PCDH15: variants seen among roughly 807,000 people sequenced by gnomAD.
The protein encoded by PCDH15 is protocadherin-15.
In PCDH15, 129 loss-of-function variants were observed where a neutral mutation model predicts 178.5. The observed-to-expected ratio is 0.72, with a 90% CI of 0.63 to 0.84. The LOEUF (loss-of-function observed/expected upper bound fraction) is 0.84, where lower values mean the gene tolerates loss of function less well. PCDH15 is among the 40% of genes least tolerant of loss of function. The probability of loss-of-function intolerance (pLI) is 0.00; values close to 1 mark genes in which losing one functional copy is unlikely to be tolerated. For missense variants in PCDH15, 2,230 were observed against 2,099.9 expected (o/e 1.06, Z -1.21); for synonymous variants, 800 against 732.0 (o/e 1.09, Z -1.50).
chr10:55,575,372 C>A (rs983275362), intron 2 of PCDH15, among the ~76,000 whole-genome samples: 5 of 152,040 alleles, frequency 3.3e-5, no homozygotes, highest in African/African-American at 1.2e-4. Flanking sequence ...CCAGAAAATA[C>A]CCAACACATA....
intron 2 of PCDH15, among the ~76,000 whole-genome samples, chr10:54,536,653 C>T (rs1244445285): frequency 6.6e-6 from 1 of 152,146 alleles, no homozygotes; most frequent in Non-Finnish European, 1.5e-5. Flanking sequence ...TCCACCCTCT[C>T]CCCTTTTCTA....
intron 8 of PCDH15, among the ~76,000 whole-genome samples, chr10:54,302,163 A>G (rs1475061575): frequency 6.6e-6 from 1 of 152,150 alleles, no homozygotes; most frequent in Non-Finnish European, 1.5e-5. Context: ...TTTCAAGATG[A>G]TATTTACTAG....
chr10:54,260,966 A>T (rs2057276130), intron 8 of PCDH15, among the ~76,000 whole-genome samples: 1 of 152,148 alleles, frequency 6.6e-6, no homozygotes, highest in Non-Finnish European at 1.5e-5. Flanking sequence ...TTTTGGTCTC[A>T]TTCTTTACAG....
intron 3 of PCDH15, among the ~76,000 whole-genome samples, chr10:54,821,897 G>A (rs1228709095): frequency 2.6e-5 from 4 of 152,000 alleles, no homozygotes; most frequent in Non-Finnish European, 4.4e-5. Flanking sequence ...AACACGCTTT[G>A]AATTTTTAGT....
At chr10:54,028,906 T>C (rs2093207506) in intron 18 of PCDH15, among the ~76,000 whole-genome samples, 1 of 150,166 alleles carries the variant, frequency 6.7e-6, no homozygotes, top group Non-Finnish European at 1.5e-5. Flanking sequence ...ACCTGCACAA[T>C]GTGCACATGT....
chr10:54,152,653 C>T (rs1365978830), intron 14 of PCDH15, among the ~76,000 whole-genome samples: 1 of 151,222 alleles, frequency 6.6e-6, no homozygotes, highest in African/African-American at 2.4e-5. Flanking sequence ...TAGAAAGATG[C>T]AATTGTAATA....
intron 2 of PCDH15, among the ~76,000 whole-genome samples, chr10:55,088,036 C>T (rs79110753): frequency 0.041 from 6,189 of 152,030 alleles, 299 homozygotes; most frequent in East Asian, 0.14. Flanking sequence ...ACAATGTACA[C>T]GATTAAATGC....
chr10:55,087,050 C>T (rs973944588), intron 2 of PCDH15, among the ~76,000 whole-genome samples: 29 of 152,050 alleles, frequency 1.9e-4, no homozygotes, highest in Admixed American at 1.9e-3. Context: ...AAGAAAGCTA[C>T]TCTCTCAAGT....
chr10:54,362,510 G>A (rs1589039350), intron 5 of PCDH15, among the ~76,000 whole-genome samples: 2 of 152,018 alleles, frequency 1.3e-5, no homozygotes, highest in Non-Finnish European at 2.9e-5. Flanking sequence ...ATTGTGAATG[G>A]CATTTTAAAT....
At chr10:53,852,155 A>G (rs1432704777) in intron 28 of PCDH15, among the ~76,000 whole-genome samples, 2 of 152,106 alleles carry the variant, frequency 1.3e-5, no homozygotes, top group African/African-American at 2.4e-5. Flanking sequence ...CTGGGAGTAG[A>G]AAGAAGTTAT....
intron 20 of PCDH15, among the ~76,000 whole-genome samples, chr10:54,019,699 T>C (rs565649070): frequency 8.5e-5 from 13 of 152,212 alleles, no homozygotes; most frequent in African/African-American, 2.2e-4. Flanking sequence ...CCCAAGGTCA[T>C]AGAGCTTAAA....
At chr10:54,530,776 GGATA>G (rs1453356763) in intron 2 of PCDH15, among the ~76,000 whole-genome samples, 1 of 151,866 alleles carries the variant, frequency 6.6e-6, no homozygotes, top group Non-Finnish European at 1.5e-5. Context: ...ATATACTTCT[GGATA>G]AATACAAAAA....
intron 8 of PCDH15, among the ~76,000 whole-genome samples, chr10:54,266,409 G>A (rs891953348): frequency 1.3e-5 from 2 of 151,048 alleles, no homozygotes; most frequent in Non-Finnish European, 3.0e-5. Context: ...AATAAAACAA[G>A]AAAAAAACTA....
chr10:54,478,815 A>G (rs1293011566), intron 3 of PCDH15, among the ~76,000 whole-genome samples: 1 of 152,084 alleles, frequency 6.6e-6, no homozygotes, highest in East Asian at 1.9e-4. Flanking sequence ...CGGTAAAAAA[A>G]ATCTGTGCAA....
At chr10:54,369,929 G>A (rs11004259) in intron 4 of PCDH15, among the ~76,000 whole-genome samples, 5 of 151,958 alleles carry the variant, frequency 3.3e-5, no homozygotes, top group East Asian at 3.9e-4. Flanking sequence ...TATGTTATGT[G>A]ACAGCAATAT....
intron 6 of PCDH15, among the ~76,000 whole-genome samples, chr10:54,339,622 C>A (rs147932537): frequency 2.0e-5 from 3 of 152,264 alleles, no homozygotes; most frequent in African/African-American, 7.2e-5. Context: ...GACAAAGATT[C>A]TTTGCCTGGC....
chr10:54,333,530 T>TG (rs1392661048), intron 6 of PCDH15, among the ~76,000 whole-genome samples: 1 of 149,196 alleles, frequency 6.7e-6, no homozygotes, highest in Non-Finnish European at 1.5e-5. Context: ...AGTCTTGCTT[T>TG]AATGATATTT....
intron 1 of PCDH15, among the ~76,000 whole-genome samples, chr10:55,221,498 G>C (rs1840873429): frequency 6.6e-6 from 1 of 151,990 alleles, no homozygotes; most frequent in Non-Finnish European, 1.5e-5. Flanking sequence ...TTCAACCATG[G>C]CTAGACAAAT....
chr10:54,887,762 T>TTCTCTTTTAGGTTTCA (rs11270480), intron 3 of PCDH15, among the ~76,000 whole-genome samples: 145,544 of 152,114 alleles, frequency 0.96, 69,735 homozygotes, highest in East Asian at 0.99. Context: ...GGCTGACCTT[T>TTCTCTTTTAGGTTTCA]CAGTCTTAGT....
Sources: gnomAD v4.1 joint callset for allele counts (sites outside exome capture counted in the v4.1 genomes callset) on GRCh38, gnomAD v4.1.1 for gene constraint, MANE v1.5 for transcripts, NCBI Gene and HGNC (gene_info 2026-07-23, HGNC 2026-07-21) for gene names.